Variants in ADAMTS16 observed in about 807,000 individuals in gnomAD.
The protein encoded by ADAMTS16 is ADAM metallopeptidase with thrombospondin type 1 motif 16.
ADAMTS16 carries 94 observed loss-of-function variants against 145.8 expected under a neutral mutation model. The observed-to-expected ratio is 0.64, with a 90% CI of 0.55 to 0.77. The LOEUF is 0.77. Ranked by LOEUF, ADAMTS16 falls within the 30% of genes least tolerant of loss-of-function variation. ADAMTS16 has a pLI of 0.00. For synonymous variants in ADAMTS16, 659 were observed against 604.3 expected (o/e 1.09, Z -1.33); for missense variants, 1,585 against 1,591.5 (o/e 1.00, Z 0.07).
In ADAMTS16 at chr5:5,263,626, C is replaced by A. The variant is rs557300866; in HGVS notation, c.2789+843C>A. Among the ~76,000 whole-genome samples, 27 of 152,346 alleles carry A rather than the reference C, an allele frequency of 1.8e-4. No individual in the cohort carries two copies. In the South Asian group the frequency reaches 5.4e-3, roughly 30 times the overall value. ...AGGAGCAAGCTCTGTGCAGAGCCCA[C>A]AGCCAGACCAGGCGTGTTGCCTGGA... On this transcript the variant is annotated intron_variant, in intron 18 of 22. Transcript: ENST00000274181.
intron 2 of ADAMTS16, among the ~76,000 whole-genome samples, chr5:5,145,167 T>C (rs1734260965): frequency 6.6e-6 from 1 of 152,198 alleles, no homozygotes; most frequent in African/African-American, 2.4e-5. Context: ...TTTGAAGTCT[T>C]TCAAATACGT....
chr5:5,193,869 G>A (rs1278041298), intron 8 of ADAMTS16, among the ~76,000 whole-genome samples: 1 of 152,182 alleles, frequency 6.6e-6, no homozygotes, highest in Non-Finnish European at 1.5e-5. Flanking sequence ...GAAAGGCTGA[G>A]GTGGGAGGAT....
intron 16 of ADAMTS16, among the ~76,000 whole-genome samples, chr5:5,241,728 A>G (rs1238203017): frequency 6.6e-6 from 1 of 152,182 alleles, no homozygotes; most frequent in African/African-American, 2.4e-5. Context: ...TACCCCCAAA[A>G]TATGTGTATC....
chr5:5,185,307 G>C (rs1188575858), intron 4 of ADAMTS16, among the ~76,000 whole-genome samples: 1 of 152,154 alleles, frequency 6.6e-6, no homozygotes, highest in Non-Finnish European at 1.5e-5. Flanking sequence ...CTAAATATCT[G>C]GGCTTTTTGA....
chr5:5,270,384 C>T (rs987134389), intron 18 of ADAMTS16, among the ~76,000 whole-genome samples: 3 of 152,212 alleles, frequency 2.0e-5, no homozygotes, highest in Non-Finnish European at 4.4e-5. Flanking sequence ...CGTGACACTG[C>T]CTGCCTCCCT....
rs1308009011 is a variant in ADAMTS16, at chr5:5,186,089, G to A, written c.801G>A (p.Leu267=). 6.2e-7 allele frequency: 1 copy of A among 1,613,920 alleles called. No individual in the cohort carries two copies. Among genetic ancestry groups the A allele is most frequent in the Admixed American group, 1.7e-5 (1 of 60,006 alleles). Residue 267 remains leucine (L), a synonymous_variant, in exon 5 of 23, where the codon TTG becomes TTA. Transcript: ENST00000274181. ...PQPPKEDLFI[L]PDEYKSCLRH... is the part of the protein sequence containing the mutation. ...CTCCCAAGGAAGACCTCTTCATCTTGCCAGATGAGTATAAGTCTTGCTTAC... is the reference window on the plus strand; with the variant it reads ...CTCCCAAGGAAGACCTCTTCATCTTACCAGATGAGTATAAGTCTTGCTTAC...
At chr5:5,247,617 T>C (rs941219789) in intron 17 of ADAMTS16, among the ~76,000 whole-genome samples, 4 of 152,234 alleles carry the variant, frequency 2.6e-5, no homozygotes, top group African/African-American at 9.6e-5. Flanking sequence ...CCCTCCCACG[T>C]TCCCACTACG....
Position 5,319,174 on chromosome 5 carries a change from C to A in ADAMTS16, c.*36C>A, listed in dbSNP as rs372911638. 2.0e-6 allele frequency: 3 copies of A among 1,478,206 alleles called. No individual in the cohort carries two copies. The highest frequency in any genetic ancestry group is 1.4e-5 in the African/African-American group (1 of 72,354). The allele number at this position is 1,478,206 out of a possible 1,614,324, so 91.6% of individuals were successfully genotyped here. On this transcript the variant is annotated 3_prime_UTR_variant, in exon 23 of 23. Transcript: ENST00000274181. ...CTCTCCGTAGCAGAGAAAGTGCCTG[C>A]GTGGCACAGAAATTTCCCACAAATG...
intron 10 of ADAMTS16, 138 bp downstream of exon 10, chr5:5,209,384 T>C (rs2126315993): frequency 9.8e-7 from 1 of 1,025,030 alleles, no homozygotes; most frequent in East Asian, 2.8e-5. Flanking sequence ...TGGTCCTGTA[T>C]AACGGGAAAC....
chr5:5,258,407 G>A (rs995770795), intron 17 of ADAMTS16, among the ~76,000 whole-genome samples: 4 of 152,224 alleles, frequency 2.6e-5, no homozygotes, highest in African/African-American at 9.6e-5. Flanking sequence ...TAGCAACTGA[G>A]CCTTTGTTAG....
At chr5:5,203,949 G>T (rs1003854474) in intron 9 of ADAMTS16, among the ~76,000 whole-genome samples, 15 of 152,122 alleles carry the variant, frequency 9.9e-5, no homozygotes, top group Non-Finnish European at 1.9e-4. Flanking sequence ...GTGTGTTTTT[G>T]TGCATAATGG....
intron 18 of ADAMTS16, among the ~76,000 whole-genome samples, chr5:5,277,069 C>A (rs369518821): frequency 1.3e-5 from 2 of 152,282 alleles, no homozygotes; most frequent in Admixed American, 6.5e-5. Context: ...ATGTGTTGGA[C>A]ATGAAACCTA....
At chr5:5,240,665 G>C (rs1737260677) in intron 16 of ADAMTS16, among the ~76,000 whole-genome samples, 1 of 152,112 alleles carries the variant, frequency 6.6e-6, no homozygotes. Context: ...TGTTCCCTGG[G>C]ACAGGCCGCC....
chr5:5,315,775 C>G (rs1475477293), intron 21 of ADAMTS16, among the ~76,000 whole-genome samples: 2 of 152,200 alleles, frequency 1.3e-5, no homozygotes, highest in Non-Finnish European at 2.9e-5. Flanking sequence ...CTGGCTCTAT[C>G]CTTGTGACCC....
At chr5:5,239,414 C>A in intron 15 of ADAMTS16, 140 bp downstream of exon 15, 1 of 1,326,970 alleles carries the variant, frequency 7.5e-7, no homozygotes, top group Non-Finnish European at 1.0e-6. Context: ...CGCTTTGCTT[C>A]TCGAGCCTCT....
In ADAMTS16 at chr5:5,208,961, G is replaced by GA. The variant is rs892077799; in HGVS notation, c.1452-125dup. On this transcript the variant is annotated intron_variant, in intron 9 of 22. Coordinates refer to ENST00000274181, the MANE Select transcript of ADAMTS16 (RefSeq NM_139056.4). ...ATAAGTATTATATTGTAACTCAGGA[G>GA]AAAAAAAGTTCTCCTCTTTGTATAC... 8.7e-6 allele frequency: 8 copies of GA among 915,480 alleles called. No individual in the cohort carries two copies. In the Admixed American group the frequency reaches 1.0e-4, roughly 12 times the overall value. 56.7% of individuals were successfully genotyped at this position (915,480 alleles called of 1,614,324 possible).
At chr5:5,220,507 C>T (rs1248356809) in intron 10 of ADAMTS16, among the ~76,000 whole-genome samples, 1 of 152,008 alleles carries the variant, frequency 6.6e-6, no homozygotes, top group Non-Finnish European at 1.5e-5. Flanking sequence ...TTTTGAGTAG[C>T]CTTAGAAACA....
At chr5:5,267,353 C>T (rs899958220) in intron 18 of ADAMTS16, among the ~76,000 whole-genome samples, 2 of 152,176 alleles carry the variant, frequency 1.3e-5, no homozygotes, top group Non-Finnish European at 2.9e-5. Flanking sequence ...CCTGGGTTAT[C>T]GCCTTGGTGT....
At chr5:5,247,184 G>A (rs1033477424) in intron 17 of ADAMTS16, among the ~76,000 whole-genome samples, 3 of 152,150 alleles carry the variant, frequency 2.0e-5, no homozygotes, top group Admixed American at 6.5e-5. Context: ...GAGTGGGTGT[G>A]TCTCTTTCTC....
Sources: gnomAD v4.1 joint callset for allele counts (sites outside exome capture counted in the v4.1 genomes callset) on GRCh38, gnomAD v4.1.1 for gene constraint, MANE v1.5 for transcripts, NCBI Gene and HGNC (gene_info 2026-07-23, HGNC 2026-07-21) for gene names.